Variants in PRIM2 observed in about 807,000 individuals in gnomAD.
PRIM2 encodes the protein DNA primase subunit 2, also known as DNA primase large subunit.
PRIM2 carries 39 observed loss-of-function variants against 67.3 expected under a neutral mutation model. That is an observed-to-expected ratio of 0.58 (90% CI 0.45 to 0.76). The LOEUF (loss-of-function observed/expected upper bound fraction) is 0.76. PRIM2 is among the 30% of genes least tolerant of loss of function. PRIM2 has a pLI of 0.00. For missense variants in PRIM2, 398 were observed against 598.7 expected, an observed-to-expected ratio of 0.66 and a Z score of 3.50; for synonymous variants, 143 against 198.7, an observed-to-expected ratio of 0.72 and a Z score of 2.36.
intron 10 of PRIM2, among the ~76,000 whole-genome samples, chr6:57,552,111 G>C (rs1304955458): frequency 6.6e-6 from 1 of 152,146 alleles, no homozygotes; most frequent in South Asian, 2.1e-4. Flanking sequence ...AAAGTCAGTG[G>C]GTTCGGGGAA....
Position 57,590,318 on chromosome 6 carries a change from T to C in PRIM2, c.1021-10775T>C, listed in dbSNP as rs1489641262. Among the ~76,000 whole-genome samples, 3 of 152,242 alleles carry C rather than the reference T, an allele frequency of 2.0e-5. No homozygotes were observed. In the East Asian group the frequency reaches 5.8e-4, roughly 29 times the overall value. On this transcript the variant is annotated intron_variant, in intron 10 of 13. Coordinates refer to ENST00000615550, the MANE Select transcript of PRIM2 (RefSeq NM_000947.5). ...CAGATCTAAATCATGGACCAAAAAC[T>C]GTTAAAGAAAAATAAGAGATAGTAG...
At chr6:57,237,959 A>T in the PRIM2 span, among the ~76,000 whole-genome samples, 1 of 152,178 alleles carries the variant, frequency 6.6e-6, no homozygotes, top group African/African-American at 2.4e-5. Context: ...ATCAAAAGAG[A>T]CAAAGAAGGC....
At position 57,633,606 on chromosome 6, in the gene PRIM2, C is replaced by T. The variant is rs1387410826; in HGVS notation, c.1299+1405C>T. Among the ~76,000 whole-genome samples, 25 of 152,092 alleles carry T rather than the reference C, an allele frequency of 1.6e-4. 1 individual carries two copies. The highest frequency in any genetic ancestry group is 1.0e-3 in the South Asian group (5 of 4,818). ...GCCAATATCTATGGAACCCTTAATG[C>T]AGCAGTCCCCAACCTTTTTGGCACC... On this transcript the variant is annotated intron_variant, in intron 13 of 13. Coordinates refer to ENST00000615550, the MANE Select transcript of PRIM2 (RefSeq NM_000947.5).
intron 11 of PRIM2, among the ~76,000 whole-genome samples, chr6:57,603,222 C>T (rs1202517518): frequency 7.0e-4 from 106 of 152,140 alleles, no homozygotes; most frequent in Non-Finnish European, 1.1e-3. Context: ...GTTTTGTTTT[C>T]GTCTTTTTTC....
chr6:57,247,533 A>T, the PRIM2 span, among the ~76,000 whole-genome samples: 1 of 152,192 alleles, frequency 6.6e-6, no homozygotes, highest in Non-Finnish European at 1.5e-5. Flanking sequence ...CACTAGGTAA[A>T]TGTCAAAGGC....
chr6:57,272,688 TTGCTCGTTAGTTGA>T, the PRIM2 span, among the ~76,000 whole-genome samples: 2 of 152,228 alleles, frequency 1.3e-5, no homozygotes, highest in African/African-American at 4.8e-5. Flanking sequence ...GCTGGCTATT[TTGCTCGTTAGTTGA>T]TGCAGTTTCT....
intron 8 of PRIM2, among the ~76,000 whole-genome samples, chr6:57,530,330 TG>T (rs1165859845): frequency 1.3e-5 from 2 of 152,208 alleles, no homozygotes; most frequent in Non-Finnish European, 2.9e-5. Context: ...GGCAGCAACT[TG>T]TGAGAAGGCA....
chr6:57,399,390 A>G (rs1352629109), intron 7 of PRIM2, among the ~76,000 whole-genome samples: 2 of 152,324 alleles, frequency 1.3e-5, no homozygotes, highest in African/African-American at 4.8e-5. Context: ...TTATGGCTGC[A>G]AAGTATTCCA....
At chr6:57,570,687 T>C (rs1775845654) in intron 10 of PRIM2, among the ~76,000 whole-genome samples, 1 of 152,138 alleles carries the variant, frequency 6.6e-6, no homozygotes, top group African/African-American at 2.4e-5. Flanking sequence ...AAGCCCTCAA[T>C]AAATAGCTAT....
chr6:57,583,634 A>G (rs1429380867), intron 10 of PRIM2, among the ~76,000 whole-genome samples: 5 of 151,886 alleles, frequency 3.3e-5, no homozygotes, highest in African/African-American at 1.2e-4. Context: ...CGCAATAAAC[A>G]TACGTGTGCA....
Position 57,502,279 on chromosome 6 carries a change from G to GGAAA in PRIM2, c.694-5105_694-5102dup, listed in dbSNP as rs1358172899. Among the ~76,000 whole-genome samples the GGAAA allele has an allele frequency of 3.3e-5, 5 of 152,196 alleles. No individual in the cohort carries two copies. In the East Asian group the frequency reaches 9.7e-4, roughly 29 times the overall value. On this transcript the variant is annotated intron_variant, in intron 7 of 13. Transcript: ENST00000615550. ...TAGGCTAAACAGAAATGAGCCCTCAGGAAAGACTCATTCCATCCCTGATAT... is the reference window on the plus strand; with the variant it reads ...TAGGCTAAACAGAAATGAGCCCTCAGGAAAGAAAGACTCATTCCATCCCTGATAT...
At chr6:57,427,607 C>T (rs1771674814) in intron 7 of PRIM2, among the ~76,000 whole-genome samples, 1 of 152,208 alleles carries the variant, frequency 6.6e-6, no homozygotes, top group Non-Finnish European at 1.5e-5. Flanking sequence ...TGTGAGCCAC[C>T]ATGCCCAGCC....
the PRIM2 span, among the ~76,000 whole-genome samples, chr6:57,291,608 G>A: frequency 6.6e-6 from 1 of 152,148 alleles, no homozygotes; most frequent in Non-Finnish European, 1.5e-5. Context: ...TAAAATAGTG[G>A]CAAACCGAAT....
At chr6:57,267,933 C>A in the PRIM2 span, among the ~76,000 whole-genome samples, 1 of 151,904 alleles carries the variant, frequency 6.6e-6, no homozygotes, top group Non-Finnish European at 1.5e-5. Flanking sequence ...ATCATTGTTG[C>A]TGGGTTCTTG....
the PRIM2 span, among the ~76,000 whole-genome samples, chr6:57,277,877 A>C: frequency 6.6e-6 from 1 of 151,780 alleles, no homozygotes; most frequent in Non-Finnish European, 1.5e-5. Context: ...CCAGCTACTC[A>C]GGAGGCTGAG....
the PRIM2 span, among the ~76,000 whole-genome samples, chr6:57,286,389 A>G: frequency 6.6e-6 from 1 of 152,250 alleles, no homozygotes; most frequent in African/African-American, 2.4e-5. Context: ...AAAACAGCAT[A>G]GTACTGGTAC....
At chr6:57,326,149 C>A in intron 5 of PRIM2, 104 bp downstream of exon 5, 1 of 1,280,038 alleles carries the variant, frequency 7.8e-7, no homozygotes, top group Non-Finnish European at 1.1e-6. Context: ...TTACATTCTC[C>A]AAGTACCTGC....
intron 12 of PRIM2, among the ~76,000 whole-genome samples, chr6:57,617,750 T>C (rs1776781110): frequency 6.6e-6 from 1 of 152,198 alleles, no homozygotes; most frequent in South Asian, 2.1e-4. Context: ...CAAAAGATTT[T>C]AATTTTGATG....
intron 5 of PRIM2, among the ~76,000 whole-genome samples, chr6:57,342,207 G>A (rs539186387): frequency 6.6e-6 from 1 of 152,182 alleles, no homozygotes; most frequent in Non-Finnish European, 1.5e-5. Context: ...ATGTAGTATA[G>A]GAAGCCTTAA....
Sources: gnomAD v4.1 joint callset for allele counts (sites outside exome capture counted in the v4.1 genomes callset) on GRCh38, gnomAD v4.1.1 for gene constraint, MANE v1.5 for transcripts, NCBI Gene and HGNC (gene_info 2026-07-23, HGNC 2026-07-21) for gene names.